Variants in MYBL2 observed in about 807,000 individuals in gnomAD.
MYBL2 encodes myb-related protein B.
A neutral mutation model predicts 79.9 loss-of-function variants in MYBL2; 28 were observed. That is an observed-to-expected ratio of 0.35 (90% CI 0.26 to 0.48). MYBL2 has a LOEUF of 0.48. Among genes scored for constraint, MYBL2 ranks in the 20% least tolerant of loss-of-function variants. The pLI, the probability that MYBL2 is intolerant of heterozygous loss-of-function variation, is 0.99. For missense variants in MYBL2, 735 were observed against 893.9 expected (o/e 0.82, Z 2.27); for synonymous variants, 378 against 361.2 (o/e 1.05, Z -0.53).
At chr20:43,713,673 C>T (rs1326623894) in intron 12 of MYBL2, among the ~76,000 whole-genome samples, 7 of 152,226 alleles carry the variant, frequency 4.6e-5, no homozygotes, top group Non-Finnish European at 1.0e-4. Context: ...AGGCGTGAGT[C>T]ACCGTGCCCA....
intron 12 of MYBL2, among the ~76,000 whole-genome samples, chr20:43,713,469 C>T (rs1330014531): frequency 1.3e-5 from 2 of 151,146 alleles, no homozygotes; most frequent in African/African-American, 4.9e-5. Context: ...CTCACTGCAA[C>T]CTCCGTCTCC....
At chr20:43,690,631 G>A (rs1252917384) in intron 5 of MYBL2, among the ~76,000 whole-genome samples, 3 of 152,174 alleles carry the variant, frequency 2.0e-5, no homozygotes, top group South Asian at 2.1e-4. Context: ...CAAATGATCC[G>A]AGGATATTCT....
chr20:43,702,465 A>G (rs370139118), intron 7 of MYBL2, 25 bp from the exon 8 acceptor site: 15 of 1,567,898 alleles, frequency 9.6e-6, no homozygotes, highest in Admixed American at 3.6e-5. Flanking sequence ...AGTAATTGCA[A>G]TTCCTAACCT....
intron 4 of MYBL2, 33 bp from the exon 5 acceptor site, chr20:43,686,819 G>A (rs1471579027): frequency 6.2e-7 from 1 of 1,605,760 alleles, no homozygotes; most frequent in Non-Finnish European, 8.5e-7. Context: ...AGAGGGGCCG[G>A]TGCAAGTGGC....
intron 12 of MYBL2, among the ~76,000 whole-genome samples, chr20:43,713,359 C>G (rs941003517): frequency 6.6e-6 from 1 of 151,640 alleles, no homozygotes; most frequent in Non-Finnish European, 1.5e-5. Flanking sequence ...CTGCGCTCTC[C>G]CAGAGAGGGT....
chr20:43,704,263 G>T (rs1005619719), intron 8 of MYBL2, among the ~76,000 whole-genome samples: 1 of 152,168 alleles, frequency 6.6e-6, no homozygotes, highest in African/African-American at 2.4e-5. Context: ...TGATCCACCT[G>T]CCTCGGCCTC....
intron 4 of MYBL2, among the ~76,000 whole-genome samples, chr20:43,685,210 C>T (rs907199707): frequency 1.5e-4 from 22 of 151,418 alleles, no homozygotes; most frequent in South Asian, 4.2e-4. Flanking sequence ...GATGGAGTTT[C>T]GCTCTTGTTG....
At chr20:43,668,638 T>C (rs1247626857) in intron 1 of MYBL2, among the ~76,000 whole-genome samples, 1 of 151,300 alleles carries the variant, frequency 6.6e-6, no homozygotes, top group Non-Finnish European at 1.5e-5. Flanking sequence ...CCCAGGCCAA[T>C]GTCCAGGAAG....
intron 2 of MYBL2, among the ~76,000 whole-genome samples, chr20:43,677,758 G>A (rs1342473651): frequency 6.6e-6 from 1 of 152,142 alleles, no homozygotes; most frequent in Non-Finnish European, 1.5e-5. Context: ...CCCCTACTGG[G>A]AAGTGAGGAG....
intron 12 of MYBL2, among the ~76,000 whole-genome samples, chr20:43,714,598 A>G (rs977379556): frequency 1.3e-5 from 2 of 151,928 alleles, no homozygotes; most frequent in Non-Finnish European, 2.9e-5. Context: ...TTTTTTAAGT[A>G]AGAAAGTTCT....
Position 43,715,989 on chromosome 20 carries a change from G to C in MYBL2, c.2005G>C (p.Gly669Arg). ...CAGTGCCTGGAAGACGGTGGCCTGC[G>C]GGGGGACCAGGGACCAGCTTTTCAT... is the stretch of plus-strand genomic sequence containing the variant. ...MSSAWKTVAC[G>R]GTRDQLFMQE... The change falls in exon 14 of 14, where the codon GGG becomes CGG. Residue 669 changes from glycine to arginine, a missense_variant. Physicochemically the swap from Gly to Arg is moderately radical, Grantham distance 125 (BLOSUM62 -2). Transcript: ENST00000217026. The C allele has an allele frequency of 6.2e-7, 1 of 1,611,608 alleles. No individual in the cohort carries two copies. Among genetic ancestry groups the C allele is most frequent in the Non-Finnish European group, 8.5e-7 (1 of 1,179,606 alleles).
At chr20:43,704,261 C>T (rs1310355901) in intron 8 of MYBL2, among the ~76,000 whole-genome samples, 1 of 152,214 alleles carries the variant, frequency 6.6e-6, no homozygotes, top group Non-Finnish European at 1.5e-5. Context: ...AGTGATCCAC[C>T]TGCCTCGGCC....
At position 43,681,773 on chromosome 20, in the gene MYBL2, G is replaced by C; in HGVS notation, c.115-11G>C. The C allele has an allele frequency of 6.2e-7, 1 of 1,614,162 alleles. No homozygotes were observed. Among genetic ancestry groups the C allele is most frequent in the Non-Finnish European group, 8.5e-7 (1 of 1,180,002 alleles). ...ATGTGTGCTGAGCCCCTGTCTTTCT[G>C]GTGTTGGCAGGACGAGCAGCTGAGG... On this transcript the variant is annotated splice_polypyrimidine_tract_variant and intron_variant, in intron 2 of 13. Transcript: ENST00000217026.
In MYBL2 at chr20:43,680,873, C is replaced by G. The variant is rs898160659; in HGVS notation, c.115-911C>G. 3.3e-5 allele frequency among the ~76,000 whole-genome samples: 5 copies of G among 152,188 alleles called. No individual in the cohort carries two copies. The East Asian group carries it at 7.7e-4, about 23-fold the overall frequency. On this transcript the variant is annotated intron_variant, in intron 2 of 13. Transcript: ENST00000217026. Reference sequence around the variant, plus strand: ...AACTACAACCATTTGTAGTACAATTCAGTAGAACCACCAGCACAGCCGGGC... The same window carrying G: ...AACTACAACCATTTGTAGTACAATTGAGTAGAACCACCAGCACAGCCGGGC...
intron 6 of MYBL2, among the ~76,000 whole-genome samples, chr20:43,697,012 A>G (rs1421341016): frequency 6.6e-6 from 1 of 152,302 alleles, no homozygotes; most frequent in African/African-American, 2.4e-5. Flanking sequence ...GGCGTGAGCC[A>G]CTGCGCCCGG....
intron 7 of MYBL2, among the ~76,000 whole-genome samples, chr20:43,700,361 C>G (rs1442930939): frequency 2.0e-5 from 3 of 152,176 alleles, no homozygotes; most frequent in African/African-American, 7.2e-5. Context: ...TGGCAGGTGA[C>G]AGCACAGGAC....
Position 43,709,946 on chromosome 20 carries a change from G to A in MYBL2, c.1506-17G>A, listed in dbSNP as rs369837256. 1.4e-5 allele frequency: 23 copies of A among 1,588,022 alleles called. No homozygotes were observed. The highest frequency in any genetic ancestry group is 5.2e-5 in the Admixed American group (3 of 57,614). ...CCCCTATCCTGTCACTAGTTCCCCCGTTCTGGCCCCTGGCAGGTTTGTAAC... is the reference window on the plus strand; with the variant it reads ...CCCCTATCCTGTCACTAGTTCCCCCATTCTGGCCCCTGGCAGGTTTGTAAC... On this transcript the variant is annotated splice_polypyrimidine_tract_variant and intron_variant, in intron 9 of 13. Transcript: ENST00000217026.
At chr20:43,713,205 TCTGCA>T in intron 12 of MYBL2, 99 bp downstream of exon 12, 2 of 826,382 alleles carry the variant, frequency 2.4e-6, no homozygotes, top group Non-Finnish European at 1.9e-6. Context: ...AACCCTGGGC[TCTGCA>T]GGGAGGGGCT....
intron 8 of MYBL2, among the ~76,000 whole-genome samples, chr20:43,704,952 C>A (rs1381885679): frequency 6.6e-6 from 1 of 152,108 alleles, no homozygotes; most frequent in African/African-American, 2.4e-5. Flanking sequence ...GCCTTAACTG[C>A]GTCGTCAGCA....
Sources: gnomAD v4.1 joint callset for allele counts (sites outside exome capture counted in the v4.1 genomes callset) on GRCh38, gnomAD v4.1.1 for gene constraint, MANE v1.5 for transcripts, NCBI Gene and HGNC (gene_info 2026-07-23, HGNC 2026-07-21) for gene names.